The following YME1L1 variants were observed in gnomAD, a reference collection of about 807,000 sequenced individuals.
The protein encoded by YME1L1 is YME1 like 1 ATPase.
YME1L1 carries 39 observed loss-of-function variants against 90.4 expected under a neutral mutation model. The observed-to-expected ratio is 0.43, with a 90% confidence interval of 0.33 to 0.56. The LOEUF (loss-of-function observed/expected upper bound fraction) is 0.56, where lower values mean the gene tolerates loss of function less well. Ranked by LOEUF, YME1L1 falls within the 20% of genes least tolerant of loss-of-function variation. The pLI, the probability that YME1L1 is intolerant of heterozygous loss-of-function variation, is 0.03. For missense variants in YME1L1, 617 were observed against 868.4 expected (o/e 0.71, Z 3.64); for synonymous variants, 284 against 287.3 (o/e 0.99, Z 0.12).
At chr10:27,147,251 T>A in intron 2 of YME1L1, 1 of 635,292 alleles carries the variant, frequency 1.6e-6, no homozygotes, top group Non-Finnish European at 2.7e-6. Context: ...CCAACACTTT[T>A]GAGAGGCTGA....
intron 3 of YME1L1, among the ~76,000 whole-genome samples, chr10:27,145,149 AATT>A (rs948924621): frequency 6.6e-6 from 1 of 152,222 alleles, no homozygotes; most frequent in African/African-American, 2.4e-5. Flanking sequence ...TCAAAAAAAA[AATT>A]ATTGTACCAA....
At chr10:27,120,818 G>A (rs774049293) in intron 12 of YME1L1, among the ~76,000 whole-genome samples, 5 of 152,074 alleles carry the variant, frequency 3.3e-5, no homozygotes, top group Admixed American at 1.3e-4. Context: ...TTCAGTCCAG[G>A]AACAAATAAT....
In YME1L1 at chr10:27,136,128, A is replaced by C. The variant is rs749838534; in HGVS notation, c.540+148T>G. The C allele has an allele frequency of 5.2e-5, 35 of 677,580 alleles. No homozygotes were observed. In the Middle Eastern group the frequency reaches 1.6e-3, roughly 31 times the overall value. 42.0% of individuals were successfully genotyped at this position (677,580 alleles called of 1,614,324 possible). ...TCTGGTGCCCAGAAGAGTTAGAGGT[A>C]TAATGATTACACAGGTTACTAATCC... On this transcript the variant is annotated intron_variant, in intron 5 of 18. Coordinates refer to ENST00000376016, the MANE Select transcript of YME1L1 (RefSeq NM_014263.4).
intron 17 of YME1L1, among the ~76,000 whole-genome samples, chr10:27,115,580 G>T (rs1454458660): frequency 6.6e-6 from 1 of 152,066 alleles, no homozygotes; most frequent in African/African-American, 2.4e-5. Flanking sequence ...CTCCCAAAGT[G>T]CTGGGATTAC....
intron 1 of YME1L1, among the ~76,000 whole-genome samples, chr10:27,149,778 A>G (rs2057190188): frequency 6.6e-6 from 1 of 150,590 alleles, no homozygotes; most frequent in African/African-American, 2.4e-5. Context: ...TTTAAAAAAA[A>G]AAAAATAGTA....
intron 7 of YME1L1, among the ~76,000 whole-genome samples, chr10:27,132,711 C>T (rs777363804): frequency 5.3e-5 from 8 of 151,572 alleles, no homozygotes; most frequent in Non-Finnish European, 1.0e-4. Context: ...CCCAGCTACT[C>T]GGGAGGCTGA....
intron 2 of YME1L1, chr10:27,147,738 G>A (rs1218974029): frequency 2.5e-5 from 38 of 1,539,160 alleles, no homozygotes; most frequent in Middle Eastern, 3.4e-4. Flanking sequence ...TGTAACACCC[G>A]TGGTTTCTAT....
intron 13 of YME1L1, 87 bp from the exon 14 acceptor site, chr10:27,119,536 C>A (rs562580962): frequency 1.9e-4 from 274 of 1,420,498 alleles, no homozygotes; most frequent in Non-Finnish European, 2.4e-4. Context: ...CAACTGGGTG[C>A]GTTGGCTCAT....
chr10:27,113,260 A>T (rs12250206), intron 18 of YME1L1, among the ~76,000 whole-genome samples: 27,328 of 111,614 alleles, frequency 0.24, 3,910 homozygotes, highest in East Asian at 0.58. Flanking sequence ...AAAAAAAAAA[A>T]AAAGACCTGC....
intron 11 of YME1L1, among the ~76,000 whole-genome samples, chr10:27,122,552 T>A (rs928880201): frequency 3.9e-5 from 6 of 152,218 alleles, no homozygotes; most frequent in African/African-American, 1.4e-4. Context: ...AATCATTGTT[T>A]TTCTGTCATA....
intron 8 of YME1L1, 145 bp downstream of exon 8, chr10:27,131,714 T>C: frequency 1.7e-6 from 1 of 586,486 alleles, no homozygotes; most frequent in Admixed American, 3.4e-5. Context: ...TGGCTATTAT[T>C]ATTTATCCCA....
chr10:27,148,232 T>G (rs1392165645), intron 2 of YME1L1, among the ~76,000 whole-genome samples: 1 of 151,542 alleles, frequency 6.6e-6, no homozygotes, highest in Non-Finnish European at 1.5e-5. Context: ...TGAGACAGAG[T>G]CTTGTTGTCA....
chr10:27,146,364 T>C (rs80171997), intron 2 of YME1L1: 1 of 152,082 alleles, frequency 6.6e-6, no homozygotes, highest in African/African-American at 2.4e-5. Flanking sequence ...GGCAAAAAAG[T>C]CTAAAAATCA....
rs79245109 is a variant in YME1L1 at position 27,152,167 on chromosome 10, A to G, written c.33+2011T>C. Reference sequence around the variant, plus strand: ...AAACAGTAACTTCTTTTGAAACTTTAAAAATAATCAAATCATTTCAAGATA... The same window carrying G: ...AAACAGTAACTTCTTTTGAAACTTTGAAAATAATCAAATCATTTCAAGATA... On this transcript the variant is annotated intron_variant, in intron 1 of 18. Transcript: ENST00000376016. Among the ~76,000 whole-genome samples, 1,190 of 152,342 alleles carry G rather than the reference A, an allele frequency of 7.8e-3. 11 individuals are homozygous for G. Among genetic ancestry groups the G allele is most frequent in the Non-Finnish European group, 0.012 (795 of 68,030 alleles).
At chr10:27,131,281 C>T (rs1383176267) in intron 8 of YME1L1, among the ~76,000 whole-genome samples, 1 of 152,214 alleles carries the variant, frequency 6.6e-6, no homozygotes, top group East Asian at 1.9e-4. Context: ...TGTCCAATTA[C>T]TGCTTTTAGA....
In YME1L1 at chr10:27,142,031, G is replaced by A. The variant is rs867897129; in HGVS notation, c.430+356C>T. ...GCCCTCAAATTTCTCGTCCGTTAAC[G>A]GAACGCTTCTGTTGTTGCTCTTTTT... On this transcript the variant is annotated intron_variant, in intron 4 of 18. Transcript: ENST00000376016. 2.6e-5 allele frequency among the ~76,000 whole-genome samples: 4 copies of A among 151,248 alleles called. No individual in the cohort carries two copies. In the Middle Eastern group the frequency reaches 0.01, roughly 386 times the overall value.
intron 11 of YME1L1, 94 bp from the exon 12 acceptor site, chr10:27,121,542 T>G: frequency 2.2e-6 from 2 of 896,044 alleles, no homozygotes; most frequent in South Asian, 2.7e-5. Flanking sequence ...TTTCTTTTTT[T>G]GAGACTAGGA....
chr10:27,148,814 C>T (rs147913709), intron 2 of YME1L1, 92 bp downstream of exon 2: 64 of 1,523,696 alleles, frequency 4.2e-5, no homozygotes, highest in Middle Eastern at 1.7e-4. Flanking sequence ...TTTTTGACTA[C>T]GGGGGAGGGA....
At chr10:27,125,115 C>T (rs1455282751) in intron 9 of YME1L1, among the ~76,000 whole-genome samples, 1 of 152,154 alleles carries the variant, frequency 6.6e-6, no homozygotes, top group Non-Finnish European at 1.5e-5. Context: ...CATCCTTTAA[C>T]TCAGCAATTC....
Sources: gnomAD v4.1 joint callset for allele counts (sites outside exome capture counted in the v4.1 genomes callset) on GRCh38, gnomAD v4.1.1 for gene constraint, MANE v1.5 for transcripts, NCBI Gene and HGNC (gene_info 2026-07-23, HGNC 2026-07-21) for gene names.